The following CASP8 variants were observed in gnomAD, a reference collection of about 807,000 sequenced individuals.
CASP8 encodes the protein caspase 8.
Under a neutral mutation model 46.3 loss-of-function variants are expected in CASP8, and 24 were observed. The observed-to-expected ratio is 0.52, with a 90% CI of 0.38 to 0.73. The LOEUF (loss-of-function observed/expected upper bound fraction) is 0.73, where lower values mean the gene tolerates loss of function less well. Among genes scored for constraint, CASP8 ranks in the 30% least tolerant of loss-of-function variants. The pLI is 0.00. For synonymous variants in CASP8, 188 were observed against 200.4 expected (o/e 0.94, Z 0.52); for missense variants, 460 against 559.0 (o/e 0.82, Z 1.79).
chr2:201,238,101 T>A (rs1463106571), intron 2 of CASP8, among the ~76,000 whole-genome samples: 2 of 152,204 alleles, frequency 1.3e-5, no homozygotes, highest in Non-Finnish European at 2.9e-5. Context: ...ATTCACACTT[T>A]GGAGATATCA....
At chr2:201,249,006 C>T (rs749062452) in intron 2 of CASP8, among the ~76,000 whole-genome samples, 2 of 152,166 alleles carry the variant, frequency 1.3e-5, no homozygotes, top group Non-Finnish European at 2.9e-5. Context: ...ATTCTCATGA[C>T]TCAGCCTCCT....
chr2:201,244,903 C>T (rs960880089), intron 2 of CASP8, among the ~76,000 whole-genome samples: 2 of 152,196 alleles, frequency 1.3e-5, no homozygotes, highest in South Asian at 2.1e-4. Context: ...AAATATGCAG[C>T]GCAAATGATG....
rs71022356 is a variant in CASP8 at position 201,247,190 on chromosome 2, C to CAAAAA, written c.-27+13099_-27+13103dup. ...GGCGGCAGAGTGAGACTGTCTGTCT[C>CAAAAA]AAAAAAAAAAAAAAAAAAAAAAAAA... On this transcript the variant is annotated intron_variant, in intron 2 of 6. Transcript: ENST00000264274. Among the ~76,000 whole-genome samples, 123 of 81,402 alleles carry CAAAAA rather than the reference C, an allele frequency of 1.5e-3. 2 individuals are homozygous for CAAAAA. The highest frequency in any genetic ancestry group is 5.8e-3 in the African/African-American group (112 of 19,412). The allele number at this position is 81,402 out of a possible 152,430, so 53.4% of individuals were successfully genotyped here.
chr2:201,271,663 G>A, intron 3 of CASP8, 42 bp downstream of exon 3: 1 of 1,231,478 alleles, frequency 8.1e-7, no homozygotes, highest in Non-Finnish European at 1.2e-6. Flanking sequence ...CTGAGACTTG[G>A]TTAGCCAGGG....
rs2125259081 is a variant in CASP8 at position 201,272,885 on chromosome 2, C to T, written c.551-13C>T. On this transcript the variant is annotated splice_polypyrimidine_tract_variant and intron_variant, in intron 4 of 8. Coordinates refer to ENST00000673742, the MANE Select transcript of CASP8 (RefSeq NM_001372051.1). The surrounding 1 kb of genome is among the most constrained non-coding windows in gnomAD (Gnocchi z 4.4). ...TAATCAAATATTGTTTGGGGTTTCC[C>T]CTTTTAATTCAGAGAGAAGCAGCAG... is the stretch of plus-strand genomic sequence containing the variant. 6.2e-7 allele frequency: 1 copy of T among 1,614,056 alleles called. No homozygotes were observed. Among genetic ancestry groups the T allele is most frequent in the Non-Finnish European group, 8.5e-7 (1 of 1,179,938 alleles).
chr2:201,263,409 G>T (rs892508075), intron 1 of CASP8, among the ~76,000 whole-genome samples: 73 of 152,210 alleles, frequency 4.8e-4, no homozygotes, highest in African/African-American at 1.6e-3. Flanking sequence ...AGACAGGAAA[G>T]TACTTACAAT....
intron 2 of CASP8, chr2:201,242,450 G>T (rs1946340049): frequency 6.6e-6 from 1 of 152,108 alleles, no homozygotes; most frequent in African/African-American, 2.4e-5. Context: ...TAGGGTGATG[G>T]AGCGCTCTGG....
At chr2:201,276,252 C>T (rs1403638692) in intron 6 of CASP8, among the ~76,000 whole-genome samples, 1 of 152,158 alleles carries the variant, frequency 6.6e-6, no homozygotes, top group Non-Finnish European at 1.5e-5. Flanking sequence ...ACCTCCCTGA[C>T]CAGCCCATCT....
In CASP8 at chr2:201,284,863, C is replaced by T; in HGVS notation, c.850C>T (p.His284Tyr). 1.2e-6 allele frequency: 2 copies of T among 1,614,118 alleles called. No homozygotes were observed. The highest frequency in any genetic ancestry group is 1.1e-5 in the South Asian group (1 of 91,080). The stretch of plus-strand genomic sequence containing the variant: ...AGAGCTTCATTTTGAGATCAAGCCC[C>T]ACGATGACTGCACAGTAGAGCAAAT... ...FEELHFEIKP[H>Y]DDCTVEQIYE... Residue 284 changes from histidine to tyrosine, a missense_variant, in exon 8 of 9, where the codon CAC (histidine) becomes TAC (tyrosine). Coordinates refer to ENST00000673742, the MANE Select transcript of CASP8 (RefSeq NM_001372051.1).
intron 7 of CASP8, among the ~76,000 whole-genome samples, chr2:201,279,701 C>A (rs1280490274): frequency 6.6e-6 from 1 of 152,198 alleles, no homozygotes; most frequent in Non-Finnish European, 1.5e-5. Context: ...GCGTGAAAAT[C>A]CAGCACTTTG....
At chr2:201,273,330 A>AT (rs1044808916) in intron 5 of CASP8, among the ~76,000 whole-genome samples, 10 of 152,328 alleles carry the variant, frequency 6.6e-5, no homozygotes, top group Admixed American at 3.3e-4. Flanking sequence ...AAGTGCTGGG[A>AT]TTACAGGCAT....
At chr2:201,268,911 G>T (rs1448998188) in intron 2 of CASP8, among the ~76,000 whole-genome samples, 1 of 84,498 alleles carries the variant, frequency 1.2e-5, no homozygotes, top group Non-Finnish European at 2.2e-5. Context: ...CCTCATCTTT[G>T]TGTGTGTGTG....
intron 2 of CASP8, among the ~76,000 whole-genome samples, chr2:201,253,965 C>T (rs1946901631): frequency 6.6e-6 from 1 of 152,008 alleles, no homozygotes; most frequent in Non-Finnish European, 1.5e-5. Flanking sequence ...CCTGTAATCC[C>T]AGCTACTCGG....
intron 7 of CASP8, among the ~76,000 whole-genome samples, chr2:201,280,034 A>AGAT (rs1246798909): frequency 6.6e-6 from 1 of 152,224 alleles, no homozygotes; most frequent in Non-Finnish European, 1.5e-5. Context: ...AATGAAAAAA[A>AGAT]GATAATGTTG....
chr2:201,278,965 G>C (rs1948824863), intron 7 of CASP8, among the ~76,000 whole-genome samples: 2 of 152,110 alleles, frequency 1.3e-5, no homozygotes, highest in Admixed American at 1.3e-4. Context: ...GCTAATGAAA[G>C]GTTTCCAACA....
At chr2:201,240,827 A>G (rs1275672640) in intron 2 of CASP8, 2 of 152,222 alleles carry the variant, frequency 1.3e-5, no homozygotes, top group Non-Finnish European at 2.9e-5. Flanking sequence ...CATACCATGT[A>G]TCTTTTCTGA....
intron 1 of CASP8, among the ~76,000 whole-genome samples, chr2:201,263,069 A>G (rs1286431115): frequency 6.6e-6 from 1 of 152,228 alleles, no homozygotes; most frequent in Non-Finnish European, 1.5e-5. Flanking sequence ...AATGAGTGAG[A>G]TGAGATGGCT....
At chr2:201,257,691 T>C (rs1947091656), upstream of CASP8, among the ~76,000 whole-genome samples, 1 of 152,162 alleles carries the variant, frequency 6.6e-6, no homozygotes, top group Admixed American at 6.5e-5. Context: ...GAACACTTCC[T>C]CCTTTTTTCT....
intron 2 of CASP8, among the ~76,000 whole-genome samples, chr2:201,245,327 A>G (rs558175160): frequency 1.3e-4 from 19 of 151,478 alleles, no homozygotes; most frequent in African/African-American, 4.4e-4. Context: ...TGCTACTTCC[A>G]TCTCCCAGGT....
Sources: gnomAD v4.1 joint callset for allele counts (sites outside exome capture counted in the v4.1 genomes callset) on GRCh38, gnomAD v4.1.1 for gene constraint, Gnocchi (gnomAD v3.1) non-coding constraint, MANE v1.5 for transcripts, NCBI Gene and HGNC (gene_info 2026-07-23, HGNC 2026-07-21) for gene names.